Variants in EHF observed in about 807,000 individuals in gnomAD.
The protein encoded by EHF is ETS homologous factor.
Under a neutral mutation model 45.1 loss-of-function variants are expected in EHF, and 14 were observed. That is an observed-to-expected ratio of 0.31 (90% CI 0.21 to 0.49). EHF has a LOEUF of 0.49. EHF is among the 20% of genes least tolerant of loss of function. The pLI is 0.99. For synonymous variants in EHF, 136 were observed against 131.8 expected (o/e 1.03, Z -0.22); for missense variants, 282 against 371.4 (o/e 0.76, Z 1.98).
rs560694207 is a variant in EHF at position 34,661,593 on chromosome 11, C to A, written c.*2662C>A. On this transcript the variant is annotated 3_prime_UTR_variant, in exon 9 of 9. Transcript: ENST00000257831. ...AGTTCTCAGCATATCTCTCTATTGTCTTGACTTGAGTTTGCTGCATTTTCT... is the reference window on the plus strand; with the variant it reads ...AGTTCTCAGCATATCTCTCTATTGTATTGACTTGAGTTTGCTGCATTTTCT... Among the ~76,000 whole-genome samples the A allele has an allele frequency of 3.6e-4, 55 of 152,252 alleles. No homozygotes were observed. Among genetic ancestry groups the A allele is most frequent in the African/African-American group, 1.3e-3 (54 of 41,562 alleles).
intron 6 of EHF, among the ~76,000 whole-genome samples, 163 bp downstream of exon 6, chr11:34,651,968 T>G (rs1413582608): frequency 1.3e-5 from 2 of 152,214 alleles, no homozygotes; most frequent in African/African-American, 4.8e-5. Flanking sequence ...GAGGCAATAT[T>G]TGTACATCGA....
rs973882747 is a variant in EHF at position 34,659,863 on chromosome 11, T to C, written c.*932T>C. The C allele has an allele frequency of 2.0e-5, 3 of 152,174 alleles. No homozygotes were observed. The highest frequency in any genetic ancestry group is 7.2e-5 in the African/African-American group (3 of 41,442). 9.4% of individuals were successfully genotyped at this position (152,174 alleles called of 1,614,324 possible). Reference sequence around the variant, plus strand: ...TTTGTGGTGAGGGCTTTCCTGTGCATTGTAAGATGTTCAGCAGTATCCACT... The same window carrying C: ...TTTGTGGTGAGGGCTTTCCTGTGCACTGTAAGATGTTCAGCAGTATCCACT... On this transcript the variant is annotated 3_prime_UTR_variant, in exon 9 of 9. Transcript: ENST00000257831.
chr11:34,636,299 G>A (rs558965986), intron 1 of EHF, among the ~76,000 whole-genome samples: 58 of 152,322 alleles, frequency 3.8e-4, no homozygotes, highest in African/African-American at 1.4e-3. Context: ...GTCCTGAGAA[G>A]TTAAATAACT....
chr11:34,656,828 G>A, intron 6 of EHF, 80 bp from the exon 7 acceptor site: 2 of 1,512,018 alleles, frequency 1.3e-6, no homozygotes, highest in Non-Finnish European at 1.8e-6. Context: ...AGTAAATATT[G>A]TTTAAATGAG....
intron 1 of EHF, among the ~76,000 whole-genome samples, chr11:34,637,700 G>C (rs1442312652): frequency 1.3e-5 from 2 of 152,142 alleles, no homozygotes; most frequent in Non-Finnish European, 2.9e-5. Flanking sequence ...TTCAAATAAA[G>C]AGTACGATTC....
intron 7 of EHF, among the ~76,000 whole-genome samples, chr11:34,658,258 T>C (rs1855845217): frequency 6.6e-6 from 1 of 152,186 alleles, no homozygotes; most frequent in Admixed American, 6.5e-5. Context: ...TGCTTAGTCT[T>C]GGCTATGTCA....
At chr11:34,638,756 G>T (rs1182239796) in intron 1 of EHF, among the ~76,000 whole-genome samples, 1 of 152,150 alleles carries the variant, frequency 6.6e-6, no homozygotes, top group African/African-American at 2.4e-5. Context: ...ACCTAGGGTG[G>T]CTGAGGATTC....
intron 1 of EHF, among the ~76,000 whole-genome samples, chr11:34,629,929 C>T (rs1036728556): frequency 6.6e-6 from 1 of 152,130 alleles, no homozygotes; most frequent in African/African-American, 2.4e-5. Flanking sequence ...TTCAGACAGC[C>T]AGTCCTAACC....
chr11:34,656,500 C>A (rs1855686547), intron 6 of EHF, among the ~76,000 whole-genome samples: 2 of 152,062 alleles, frequency 1.3e-5, no homozygotes, highest in Non-Finnish European at 2.9e-5. Context: ...ATGATCAGAA[C>A]CTCAGCTCCT....
intron 1 of EHF, among the ~76,000 whole-genome samples, chr11:34,632,022 A>G (rs1019254403): frequency 2.0e-5 from 3 of 152,150 alleles, no homozygotes; most frequent in Admixed American, 1.3e-4. Context: ...CTGGCTTCTC[A>G]GCCTTGCCAT....
chr11:34,630,471 G>A (rs1852774272), intron 1 of EHF, among the ~76,000 whole-genome samples: 1 of 152,178 alleles, frequency 6.6e-6, no homozygotes, highest in Non-Finnish European at 1.5e-5. Context: ...CATAGTTTTT[G>A]TTGTTGTTTT....
chr11:34,655,963 A>G (rs1049597051), intron 6 of EHF, among the ~76,000 whole-genome samples: 2 of 152,138 alleles, frequency 1.3e-5, no homozygotes, highest in Non-Finnish European at 2.9e-5. Flanking sequence ...TTCTTAAAAT[A>G]ATTGGCTTGT....
At chr11:34,632,554 C>T (rs1385287283) in intron 1 of EHF, 1 of 1,535,604 alleles carries the variant, frequency 6.5e-7, no homozygotes, top group African/African-American at 1.4e-5. Context: ...CTGCCAACTC[C>T]ACGTCCTAGT....
chr11:34,627,213 G>T (rs1014428465), intron 1 of EHF, among the ~76,000 whole-genome samples: 2 of 151,744 alleles, frequency 1.3e-5, no homozygotes, highest in Admixed American at 1.3e-4. Context: ...TGGGAAGGTG[G>T]GTAGCAGGGA....
chr11:34,657,020 G>A (rs367732165), intron 7 of EHF, 50 bp downstream of exon 7: 38 of 1,605,522 alleles, frequency 2.4e-5, no homozygotes, highest in Non-Finnish European at 2.4e-5. Flanking sequence ...ATCACATCGG[G>A]CACATCTGGA....
At chr11:34,643,068 ATGTGTGTGTGTGTG>A (rs780809590) in intron 2 of EHF, among the ~76,000 whole-genome samples, 1 of 144,866 alleles carries the variant, frequency 6.9e-6, no homozygotes, top group South Asian at 2.2e-4. Context: ...GAGAAAGGGT[ATGTGTGTGTGTGTG>A]TGTGTGTGTG....
chr11:34,628,444 C>T (rs1435815690), intron 1 of EHF, among the ~76,000 whole-genome samples: 1 of 152,068 alleles, frequency 6.6e-6, no homozygotes, highest in Admixed American at 6.5e-5. Context: ...ATCCATCGTA[C>T]AGATGAAAGG....
intron 1 of EHF, among the ~76,000 whole-genome samples, chr11:34,625,720 A>G (rs1852321242): frequency 6.6e-6 from 1 of 152,108 alleles, no homozygotes; most frequent in Non-Finnish European, 1.5e-5. Flanking sequence ...TCCTATGAAA[A>G]CTTATTTCAC....
chr11:34,646,410 C>A, intron 2 of EHF, 29 bp from the exon 3 acceptor site: 2 of 1,612,426 alleles, frequency 1.2e-6, no homozygotes, highest in South Asian at 1.1e-5. Flanking sequence ...AGCCAGGGGT[C>A]ACTCATGAGG....
Sources: gnomAD v4.1 joint callset for allele counts (sites outside exome capture counted in the v4.1 genomes callset) on GRCh38, gnomAD v4.1.1 for gene constraint, MANE v1.5 for transcripts, NCBI Gene and HGNC (gene_info 2026-07-23, HGNC 2026-07-21) for gene names.